Variants in MKRN1 observed in about 807,000 individuals in gnomAD.
MKRN1 encodes the protein makorin ring finger protein 1.
A neutral mutation model predicts 55.5 loss-of-function variants in MKRN1; 9 were observed. The ratio of observed to expected loss-of-function variants is 0.16; its 90% confidence interval spans 0.10 to 0.28. MKRN1 has a LOEUF of 0.28. MKRN1 is among the 10% of genes least tolerant of loss of function. The probability of loss-of-function intolerance (pLI) is 1.00; values close to 1 mark genes in which losing one functional copy is unlikely to be tolerated. For synonymous variants in MKRN1, 253 were observed against 235.9 expected (o/e 1.07, Z -0.66); for missense variants, 488 against 626.7 (o/e 0.78, Z 2.36).
intron 1 of MKRN1, 130 bp downstream of exon 1, chr7:140,479,030 A>G: frequency 8.9e-7 from 1 of 1,128,572 alleles, no homozygotes; most frequent in Non-Finnish European, 1.1e-6. Context: ...GGCTGCAGAG[A>G]TCGAGACAAC....
intron 1 of MKRN1, among the ~76,000 whole-genome samples, chr7:140,477,095 T>C (rs1477985423): frequency 1.6e-4 from 20 of 121,650 alleles, no homozygotes; most frequent in Middle Eastern, 4.3e-3. Flanking sequence ...GGAAACTCTG[T>C]CTCAAAAAAA....
At chr7:140,458,062 T>C (rs1794515924) in intron 4 of MKRN1, among the ~76,000 whole-genome samples, 2 of 152,296 alleles carry the variant, frequency 1.3e-5, no homozygotes, top group Middle Eastern at 3.4e-3. Context: ...CTGGCTCCCA[T>C]ACACTGCTGC....
intron 5 of MKRN1, chr7:140,456,103 C>A: frequency 9.7e-7 from 1 of 1,028,244 alleles, no homozygotes; most frequent in Non-Finnish European, 1.3e-6. Flanking sequence ...AACTCAAGGG[C>A]TAGCCAGTTC....
chr7:140,454,267 C>CT lies in MKRN1; in HGVS notation c.*249dup, dbSNP rs1191692412. On this transcript the variant is annotated 3_prime_UTR_variant, in exon 8 of 8. Coordinates refer to ENST00000255977, the MANE Select transcript of MKRN1 (RefSeq NM_013446.4). Reference sequence around the variant, plus strand: ...GACGCAACACACCTACACTAACTGTCTGACAGTTAAATTCGTGTTACAAAA... The same window carrying CT: ...GACGCAACACACCTACACTAACTGTCTTGACAGTTAAATTCGTGTTACAAAA... 7.8e-6 allele frequency: 4 copies of CT among 515,600 alleles called. No homozygotes were observed. Among genetic ancestry groups the CT allele is most frequent in the Non-Finnish European group, 1.4e-5 (4 of 284,422 alleles). 31.9% of individuals were successfully genotyped at this position (515,600 alleles called of 1,614,324 possible).
At chr7:140,468,429 G>A (rs1451189291) in intron 2 of MKRN1, among the ~76,000 whole-genome samples, 3 of 142,770 alleles carry the variant, frequency 2.1e-5, no homozygotes, top group African/African-American at 5.3e-5. Context: ...GGCCAGGTGC[G>A]GTGGCTCACG....
intron 1 of MKRN1, chr7:140,473,327 G>A (rs200135272): frequency 4.7e-6 from 2 of 427,680 alleles, no homozygotes; most frequent in East Asian, 1.5e-4. Flanking sequence ...CTGTCTCCAT[G>A]AGACACTGTG....
At chr7:140,476,697 G>GAACTGAGGAAAGA (rs1795128176) in intron 1 of MKRN1, among the ~76,000 whole-genome samples, 2 of 151,018 alleles carry the variant, frequency 1.3e-5, no homozygotes, top group Admixed American at 1.3e-4. Flanking sequence ...CATGATACTG[G>GAACTGAGGAAAGA]AACTGAGGAA....
At chr7:140,463,712 C>T (rs920119561) in intron 2 of MKRN1, among the ~76,000 whole-genome samples, 11 of 151,872 alleles carry the variant, frequency 7.2e-5, no homozygotes, top group South Asian at 2.1e-4. Flanking sequence ...GGTGAAACCT[C>T]GTCTCTACTA....
At chr7:140,466,087 A>C (rs1175078719) in intron 2 of MKRN1, among the ~76,000 whole-genome samples, 5 of 152,116 alleles carry the variant, frequency 3.3e-5, no homozygotes, top group Non-Finnish European at 4.4e-5. Flanking sequence ...CTCAAAAAAA[A>C]CAAAAAAAGA....
chr7:140,469,551 CTGTT>C (rs1794862696), intron 2 of MKRN1, among the ~76,000 whole-genome samples: 2 of 152,150 alleles, frequency 1.3e-5, no homozygotes, highest in Admixed American at 1.3e-4. Context: ...CTTGCCTCCT[CTGTT>C]AAATTGTTTG....
chr7:140,477,481 C>T (rs1243166852), intron 1 of MKRN1, among the ~76,000 whole-genome samples: 1 of 152,088 alleles, frequency 6.6e-6, no homozygotes, highest in Non-Finnish European at 1.5e-5. Flanking sequence ...TCACCACGCC[C>T]GGCTAATGTT....
rs532174102 is a variant in MKRN1 at position 140,455,918 on chromosome 7, G to A, written c.987-18C>T. 11 of 1,590,198 alleles carry A rather than the reference G, an allele frequency of 6.9e-6. No homozygotes were observed. The highest frequency in any genetic ancestry group is 1.3e-5 in the African/African-American group (1 of 74,428). On this transcript the variant is annotated intron_variant, in intron 5 of 7. Coordinates refer to ENST00000255977, the MANE Select transcript of MKRN1 (RefSeq NM_013446.4). ...GGCAGGACCTGGGAAACAATGAACA[G>A]GCTGCAATGCAAATTCCCCTTTTAC...
chr7:140,456,371 A>G (rs1794465678), intron 5 of MKRN1: 16 of 1,289,354 alleles, frequency 1.2e-5, no homozygotes, highest in East Asian at 1.1e-4. Flanking sequence ...CAGTTTGTTC[A>G]CTGAGCCTAA....
At position 140,471,563 on chromosome 7, in the gene MKRN1, G is replaced by A. The variant is rs370763087; in HGVS notation, c.314+320C>T. On this transcript the variant is annotated intron_variant, in intron 2 of 7. Transcript: ENST00000255977. The stretch of plus-strand genomic sequence containing the variant: ...TGGCTCAGTGCAACATCCACCTCCC[G>A]GGTTCATGCAATTCTCCTGCTTCAG... Among the ~76,000 whole-genome samples the A allele has an allele frequency of 2.6e-5, 4 of 151,944 alleles. No individual in the cohort carries two copies. In the South Asian group the frequency reaches 8.3e-4, roughly 32 times the overall value.
rs1795214642 is a variant in MKRN1, at chr7:140,479,182, AGCCGCCGCCGCTGCCGTCGCT to A, written c.142_162del (p.Ser48_Gly54del). ...TACCTGCAGGTGACCTGTTTAGTCC[AGCCGCCGCCGCTGCCGTCGCT>A]GCCGCCGCCCCCTCCGCCCGCCCCC... On this transcript the variant is annotated inframe_deletion, in exon 1 of 8. Coordinates refer to ENST00000255977, the MANE Select transcript of MKRN1 (RefSeq NM_013446.4). 2.1e-6 allele frequency: 3 copies of A among 1,459,078 alleles called. No individual in the cohort carries two copies. Among genetic ancestry groups the A allele is most frequent in the Non-Finnish European group, 2.7e-6 (3 of 1,107,844 alleles). The allele number at this position is 1,459,078 out of a possible 1,614,324, so 90.4% of individuals were successfully genotyped here. A position where few individuals can be genotyped will look rare whatever the true frequency, so the allele number is the denominator to read the frequency against.
At chr7:140,466,221 T>G (rs542750795) in intron 2 of MKRN1, among the ~76,000 whole-genome samples, 253 of 152,342 alleles carry the variant, frequency 1.7e-3, no homozygotes, top group Middle Eastern at 3.4e-3. Flanking sequence ...TATATCAGCC[T>G]GTACTCAACA....
chr7:140,477,568 T>C (rs1212003687), intron 1 of MKRN1, among the ~76,000 whole-genome samples: 1 of 152,122 alleles, frequency 6.6e-6, no homozygotes, highest in East Asian at 1.9e-4. Flanking sequence ...GTGATCCACC[T>C]GCCTTGGCCT....
intron 2 of MKRN1, among the ~76,000 whole-genome samples, chr7:140,462,827 G>A (rs902143750): frequency 1.3e-5 from 2 of 152,162 alleles, no homozygotes; most frequent in Admixed American, 6.5e-5. Flanking sequence ...TTAGCCGGGT[G>A]TGGTGGTGTG....
Position 140,471,890 on chromosome 7 carries a change from G to A in MKRN1, c.307C>T (p.Arg103Cys), listed in dbSNP as rs759833443. 8 of 1,612,956 alleles carry A rather than the reference G, an allele frequency of 5.0e-6. No individual in the cohort carries two copies. The highest frequency in any genetic ancestry group is 2.2e-5 in the East Asian group (1 of 44,862). Reference sequence around the variant, plus strand: ...TTATAAACAAATTCTTACCTGCAGCGGTCTCCATAAATACAGTACCCTCGC... The same window carrying A: ...TTATAAACAAATTCTTACCTGCAGCAGTCTCCATAAATACAGTACCCTCGC... The part of the protein sequence containing the change: ...FQRGYCIYGD[R>C]CRYEHSKPLK... The change falls in exon 2 of 8, where the codon CGC becomes TGC. Residue 103 changes from arginine to cysteine, a missense_variant. Coordinates refer to ENST00000255977, the MANE Select transcript of MKRN1 (RefSeq NM_013446.4).
Sources: gnomAD v4.1 joint callset for allele counts (sites outside exome capture counted in the v4.1 genomes callset) on GRCh38, gnomAD v4.1.1 for gene constraint, MANE v1.5 for transcripts, NCBI Gene and HGNC (gene_info 2026-07-23, HGNC 2026-07-21) for gene names.